Variants in MTHFD1 observed in about 807,000 individuals in gnomAD.
The protein encoded by MTHFD1 is methylenetetrahydrofolate dehydrogenase, cyclohydrolase and formyltetrahydrofolate synthetase 1.
MTHFD1 carries 44 observed loss-of-function variants against 110.3 expected under a neutral mutation model. That is an observed-to-expected ratio of 0.40 (90% CI 0.31 to 0.51). MTHFD1 has a LOEUF of 0.51. MTHFD1 is among the 20% of genes least tolerant of loss of function. The pLI is 0.60. For missense variants in MTHFD1, 909 were observed against 1,173.1 expected (o/e 0.77, Z 3.29); for synonymous variants, 402 against 428.8 (o/e 0.94, Z 0.77).
intron 1 of MTHFD1, among the ~76,000 whole-genome samples, chr14:64,394,033 G>A (rs868282586): frequency 7.9e-5 from 12 of 151,998 alleles, no homozygotes; most frequent in Non-Finnish European, 1.2e-4. Flanking sequence ...CTTCTTTGAC[G>A]TCCCATCCAC....
intron 1 of MTHFD1, among the ~76,000 whole-genome samples, chr14:64,393,147 C>T (rs1358734909): frequency 6.6e-6 from 1 of 152,160 alleles, no homozygotes; most frequent in Non-Finnish European, 1.5e-5. Flanking sequence ...TGCCTGTAAT[C>T]CTAGGACTTT....
chr14:64,436,258 C>A (rs1046425371), intron 16 of MTHFD1, among the ~76,000 whole-genome samples: 2 of 152,082 alleles, frequency 1.3e-5, no homozygotes, highest in African/African-American at 4.8e-5. Flanking sequence ...TCATGCCCGG[C>A]TAATTTTTTG....
At chr14:64,389,477 G>A (rs905805251) in intron 1 of MTHFD1, among the ~76,000 whole-genome samples, 4 of 152,184 alleles carry the variant, frequency 2.6e-5, no homozygotes, top group Non-Finnish European at 5.9e-5. Flanking sequence ...GGAGGCCGAG[G>A]TGGGTGGATC....
Position 64,418,293 on chromosome 14 carries a change from A to T in MTHFD1, c.615+269A>T, listed in dbSNP as rs2078040875. Among the ~76,000 whole-genome samples, 4 of 151,866 alleles carry T rather than the reference A, an allele frequency of 2.6e-5. No homozygotes were observed. In the South Asian group the frequency reaches 8.3e-4, roughly 32 times the overall value. Reference sequence around the variant, plus strand: ...GTGAGACGCTTTCTCTGCAAAAAAAATTAAAAATTAGCCAGATGGGGTGGG... The same window carrying T: ...GTGAGACGCTTTCTCTGCAAAAAAATTTAAAAATTAGCCAGATGGGGTGGG... On this transcript the variant is annotated intron_variant, in intron 7 of 27. Coordinates refer to ENST00000652337, the MANE Select transcript of MTHFD1 (RefSeq NM_005956.4).
intron 8 of MTHFD1, among the ~76,000 whole-genome samples, chr14:64,421,984 T>G (rs2078077977): frequency 6.6e-6 from 1 of 152,142 alleles, no homozygotes; most frequent in Non-Finnish European, 1.5e-5. Context: ...TGGCATTTTT[T>G]TTTTGGATTA....
At position 64,390,386 on chromosome 14, in the gene MTHFD1, C is replaced by T. The variant is rs1251535008; in HGVS notation, c.41+1918C>T. ...TTTTTGAGATGAAGTCTTGCTGTGT[C>T]CAATCTTGGCTCACTGCAACCTCTG... On this transcript the variant is annotated intron_variant, in intron 1 of 27. Coordinates refer to ENST00000652337, the MANE Select transcript of MTHFD1 (RefSeq NM_005956.4). 2.0e-5 allele frequency: 3 copies of T among 150,190 alleles called. No individual in the cohort carries two copies. The South Asian group carries it at 6.3e-4, about 31-fold the overall frequency. The allele number at this position is 150,190 out of a possible 1,614,324, so 9.3% of individuals were successfully genotyped here.
In MTHFD1 at chr14:64,412,475, G is replaced by A. The variant is rs79567761; in HGVS notation, c.190G>A (p.Gly64Arg). The A allele has an allele frequency of 6.2e-7, 1 of 1,612,376 alleles. No homozygotes were observed. Among genetic ancestry groups the A allele is most frequent in the Admixed American group, 1.7e-5 (1 of 59,988 alleles). Reference sequence around the variant, plus strand: ...GCTTTTAATGTCTGTTTTGCAGATTGGGATCAAAGCCACTCACATTAAGTT... The same window carrying A: ...GCTTTTAATGTCTGTTTTGCAGATTAGGATCAAAGCCACTCACATTAAGTT... ...NVKLKAAEEI[G>R]IKATHIKLPR... The change falls in exon 4 of 28, where the codon GGG (glycine) becomes AGG (arginine). Residue 64 changes from glycine (G) to arginine (R), a missense_variant. By Grantham distance (125) the Gly-to-Arg change is moderately radical. Around this residue, in one of 3 missense-constraint regions of MTHFD1, gnomAD observed 424 missense variants for 510.4 expected, o/e 0.83. Transcript: ENST00000652337.
intron 2 of MTHFD1, among the ~76,000 whole-genome samples, chr14:64,409,664 A>T (rs1489756204): frequency 2.0e-5 from 3 of 152,142 alleles, no homozygotes; most frequent in Non-Finnish European, 4.4e-5. Context: ...GGAAGCCCCT[A>T]CGAGAAGCAT....
intron 2 of MTHFD1, among the ~76,000 whole-genome samples, chr14:64,409,703 TA>T (rs34046793): frequency 2.7e-5 from 4 of 149,714 alleles, no homozygotes; most frequent in Non-Finnish European, 4.5e-5. Context: ...AATAACCCAT[TA>T]AAAAAAAAGG....
At position 64,412,374 on chromosome 14, in the gene MTHFD1, A is replaced by T. The variant is rs2077991287; in HGVS notation, c.187-98A>T. 9 of 896,396 alleles carry T rather than the reference A, an allele frequency of 1.0e-5. No homozygotes were observed. The South Asian group carries it at 1.2e-4, about 12-fold the overall frequency. 55.5% of individuals were successfully genotyped at this position (896,396 alleles called of 1,614,324 possible). On this transcript the variant is annotated intron_variant, in intron 3 of 27. Coordinates refer to ENST00000652337, the MANE Select transcript of MTHFD1 (RefSeq NM_005956.4). ...CAGAACATATAAGGGTGAAATGATGACCAACACCTCCTTGCTTGTTAGTCA... is the reference window on the plus strand; with the variant it reads ...CAGAACATATAAGGGTGAAATGATGTCCAACACCTCCTTGCTTGTTAGTCA...
chr14:64,445,024 C>CT (rs1284044041), intron 22 of MTHFD1: 3 of 441,972 alleles, frequency 6.8e-6, no homozygotes, highest in African/African-American at 2.0e-5. Flanking sequence ...TGTCTAGAGA[C>CT]TTTTTTTATT....
intron 6 of MTHFD1, among the ~76,000 whole-genome samples, chr14:64,416,029 G>A (rs1485398485): frequency 6.6e-6 from 1 of 152,146 alleles, no homozygotes; most frequent in Non-Finnish European, 1.5e-5. Flanking sequence ...GATCACCTGA[G>A]GTCAGGAATT....
At position 64,452,522 on chromosome 14, in the gene MTHFD1, C is replaced by T. The variant is rs551380497; in HGVS notation, c.2458-1232C>T. Among the ~76,000 whole-genome samples, 123 of 152,298 alleles carry T rather than the reference C, an allele frequency of 8.1e-4. 1 individual carries two copies. Among genetic ancestry groups the T allele is most frequent in the African/African-American group, 2.9e-3 (120 of 41,564 alleles). On this transcript the variant is annotated intron_variant, in intron 24 of 27. Transcript: ENST00000652337. ...CTCCACTTCTCTGAAGGCTTTGCCC[C>T]GGAGGAAACAGCCCATGGGACTGAG...
In MTHFD1 at chr14:64,415,373, A is replaced by C. The variant is rs1417725278; in HGVS notation, c.256A>C (p.Thr86Pro). The C allele has an allele frequency of 6.2e-7, 1 of 1,608,604 alleles. No homozygotes were observed. The highest frequency in any genetic ancestry group is 1.3e-5 in the African/African-American group (1 of 74,832). ...TTESEVMKYI[T>P]SLNEDSTVHG... Reference sequence around the variant, plus strand: ...TTACTTTTAGGTGATGAAGTACATTACATCTTTGAATGAAGACTCTACTGT... The same window carrying C: ...TTACTTTTAGGTGATGAAGTACATTCCATCTTTGAATGAAGACTCTACTGT... Residue 86 changes from threonine (T) to proline (P), a missense_variant, in exon 5 of 28, where the codon ACA becomes CCA. Coordinates refer to ENST00000652337, the MANE Select transcript of MTHFD1 (RefSeq NM_005956.4).
At chr14:64,419,751 T>C in intron 7 of MTHFD1, 63 bp from the exon 8 acceptor site, 1 of 1,071,858 alleles carries the variant, frequency 9.3e-7, no homozygotes, top group Non-Finnish European at 1.5e-6. Flanking sequence ...TTTTCATTTC[T>C]GGGTTTTTTT....
chr14:64,389,566 G>A (rs765114430), intron 1 of MTHFD1, among the ~76,000 whole-genome samples: 4 of 152,030 alleles, frequency 2.6e-5, no homozygotes, highest in Non-Finnish European at 4.4e-5. Context: ...AAAATTAGCC[G>A]AGTGTGGTGG....
At position 64,454,886 on chromosome 14, in the gene MTHFD1, G is replaced by A; in HGVS notation, c.2718+11G>A. ...CCCTTAGTAGGAACGGTAAGTGCAT[G>A]CTGCAAGGGAGTAGTGGGCGCATCT... is the stretch of plus-strand genomic sequence containing the variant. On this transcript the variant is annotated intron_variant, in intron 26 of 27. Coordinates refer to ENST00000652337, the MANE Select transcript of MTHFD1 (RefSeq NM_005956.4). The A allele has an allele frequency of 1.2e-6, 2 of 1,613,996 alleles. No individual in the cohort carries two copies. The highest frequency in any genetic ancestry group is 1.7e-6 in the Non-Finnish European group (2 of 1,179,838).
At chr14:64,429,272 G>GTATATATATATATATATATATATAT (rs2078141156) in intron 12 of MTHFD1, among the ~76,000 whole-genome samples, 1 of 41,594 alleles carries the variant, frequency 2.4e-5, no homozygotes, top group Admixed American at 1.7e-4. Context: ...ATATATATCT[G>GTATATATATATATATATATATATAT]ATTTACATTT....
intron 1 of MTHFD1, among the ~76,000 whole-genome samples, chr14:64,391,431 C>G (rs1295743075): frequency 6.6e-6 from 1 of 152,218 alleles, no homozygotes; most frequent in Non-Finnish European, 1.5e-5. Context: ...TCCTAAAGTG[C>G]TAGGATTACA....
Sources: gnomAD v4.1 joint callset for allele counts (sites outside exome capture counted in the v4.1 genomes callset) on GRCh38, gnomAD v4.1.1 for gene constraint, gnomAD v4.1.1 regional missense constraint, MANE v1.5 for transcripts, NCBI Gene and HGNC (gene_info 2026-07-23, HGNC 2026-07-21) for gene names.